PMS1: variants seen among roughly 807,000 people sequenced by gnomAD.
PMS1 encodes PMS1 protein homolog 1.
In PMS1, 79 loss-of-function variants were observed where a neutral mutation model predicts 93.1. That is an observed-to-expected ratio of 0.85 (90% CI 0.71 to 1.02). PMS1 has a LOEUF of 1.02. PMS1 is among the 50% of genes least tolerant of loss of function. The probability of loss-of-function intolerance (pLI) is 0.00; values close to 1 mark genes in which losing one functional copy is unlikely to be tolerated. For missense variants in PMS1, 1,064 were observed against 1,085.3 expected, an observed-to-expected ratio of 0.98 and a Z score of 0.28; for synonymous variants, 335 against 363.4, an observed-to-expected ratio of 0.92 and a Z score of 0.89.
intron 6 of PMS1, among the ~76,000 whole-genome samples, chr2:189,850,913 G>A (rs1040472671): frequency 2.0e-5 from 3 of 151,992 alleles, no homozygotes; most frequent in South Asian, 2.1e-4. Flanking sequence ...AGAGAGGGGC[G>A]GACCATAGTT....
chr2:189,831,372 G>C (rs867694325), intron 5 of PMS1, among the ~76,000 whole-genome samples: 56 of 152,292 alleles, frequency 3.7e-4, no homozygotes, highest in African/African-American at 1.3e-3. Context: ...CATTTAGGAA[G>C]CTGCTATAAA....
chr2:189,835,926 AAATT>A (rs2053343743), intron 5 of PMS1, among the ~76,000 whole-genome samples: 1 of 148,932 alleles, frequency 6.7e-6, no homozygotes, highest in South Asian at 2.1e-4. Flanking sequence ...AAAAAAAAAA[AAATT>A]CATTGGTGCT....
chr2:189,852,975 A>G (rs2054908223), intron 7 of PMS1, among the ~76,000 whole-genome samples, 198 bp downstream of exon 7: 1 of 152,192 alleles, frequency 6.6e-6, no homozygotes, highest in Non-Finnish European at 1.5e-5. Flanking sequence ...ATCCCCATTT[A>G]TAGTGAGGAA....
chr2:189,805,752 A>C lies in PMS1; in HGVS notation c.416A>C (p.Gln139Pro), dbSNP rs2050280429. ...TCTCAGAAACCTTCACATCTTGGTCAAGGTAAGAAAGTAGCTTTGTATACA... is the reference window on the plus strand; with the variant it reads ...TCTCAGAAACCTTCACATCTTGGTCCAGGTAAGAAAGTAGCTTTGTATACA... ...ILSQKPSHLG[Q>P]GTTVTALRLF... Residue 139 changes from glutamine (Q) to proline (P), a missense_variant and splice_region_variant, in exon 4 of 13, where the codon CAA becomes CCA. Transcript: ENST00000441310. The C allele has an allele frequency of 6.2e-7, 1 of 1,613,726 alleles. No homozygotes were observed. The highest frequency in any genetic ancestry group is 8.5e-7 in the Non-Finnish European group (1 of 1,179,890).
intron 4 of PMS1, chr2:189,806,907 T>C (rs1399096191): frequency 2.8e-5 from 6 of 212,118 alleles, no homozygotes; most frequent in Non-Finnish European, 4.8e-5. Flanking sequence ...GTTGTTGTTG[T>C]TTATCCTTCT....
At chr2:189,874,906 A>C (rs949746834) in intron 12 of PMS1, among the ~76,000 whole-genome samples, 2 of 152,132 alleles carry the variant, frequency 1.3e-5, no homozygotes, top group African/African-American at 4.8e-5. Context: ...TGTGGGGAGA[A>C]ATAAGAGTTC....
chr2:189,844,011 C>CA lies in PMS1; in HGVS notation c.631dup (p.Met211AsnfsTer20). ...GAGTATCAGATCACAAGATGGCTCT[C>CA]ATGTCAGTTCTGGGGACTGCTGTTA... On this transcript the variant is annotated frameshift_variant, in exon 6 of 13. Transcript: ENST00000441310. LOFTEE classifies it high-confidence loss of function. 1 of 1,614,008 alleles carries CA rather than the reference C, an allele frequency of 6.2e-7. No individual in the cohort carries two copies. Among genetic ancestry groups the CA allele is most frequent in the Non-Finnish European group, 8.5e-7 (1 of 1,179,954 alleles).
chr2:189,800,497 A>G (rs2049792149), intron 3 of PMS1, among the ~76,000 whole-genome samples: 1 of 152,170 alleles, frequency 6.6e-6, no homozygotes, highest in Admixed American at 6.6e-5. Context: ...ATATTTTTAA[A>G]TAAGACTTAA....
At chr2:189,828,420 T>C (rs1286700276) in intron 5 of PMS1, among the ~76,000 whole-genome samples, 1 of 152,238 alleles carries the variant, frequency 6.6e-6, no homozygotes, top group African/African-American at 2.4e-5. Context: ...CATCACATTG[T>C]ACCTCATAAA....
chr2:189,842,172 A>T (rs1317901825), intron 5 of PMS1, among the ~76,000 whole-genome samples: 1 of 151,954 alleles, frequency 6.6e-6, no homozygotes, highest in African/African-American at 2.4e-5. Flanking sequence ...CCGTTTAGCC[A>T]GCCACGTCTG....
At chr2:189,805,133 T>C (rs1047180345) in intron 3 of PMS1, among the ~76,000 whole-genome samples, 27 of 151,958 alleles carry the variant, frequency 1.8e-4, no homozygotes, top group Admixed American at 1.7e-3. Flanking sequence ...CCTTAATGAG[T>C]TTAAAGCTCA....
At chr2:189,836,043 C>G (rs1216870748) in intron 5 of PMS1, among the ~76,000 whole-genome samples, 1 of 151,660 alleles carries the variant, frequency 6.6e-6, no homozygotes, top group Non-Finnish European at 1.5e-5. Flanking sequence ...ATAATATATC[C>G]TCTTTATTTA....
chr2:189,861,083 G>T (rs2055936507), intron 9 of PMS1, among the ~76,000 whole-genome samples: 1 of 151,642 alleles, frequency 6.6e-6, no homozygotes, highest in Non-Finnish European at 1.5e-5. Flanking sequence ...TTGGGTTTAG[G>T]TCTGCCATTT....
At chr2:189,810,108 C>T (rs1218862012) in intron 4 of PMS1, among the ~76,000 whole-genome samples, 1 of 152,020 alleles carries the variant, frequency 6.6e-6, no homozygotes, top group African/African-American at 2.4e-5. Flanking sequence ...CAAAATGAAG[C>T]CACTGACTGC....
At chr2:189,840,630 A>C (rs964796627) in intron 5 of PMS1, among the ~76,000 whole-genome samples, 5 of 152,330 alleles carry the variant, frequency 3.3e-5, no homozygotes, top group Admixed American at 2.0e-4. Flanking sequence ...TTTGCTGTGC[A>C]TTATGATACT....
At chr2:189,862,389 T>C (rs10183082) in intron 9 of PMS1, among the ~76,000 whole-genome samples, 6,811 of 152,200 alleles carry the variant, frequency 0.045, 487 homozygotes, top group African/African-American at 0.15. Context: ...ATTATGATAA[T>C]CTTTTAAGAC....
intron 2 of PMS1, among the ~76,000 whole-genome samples, chr2:189,795,315 T>TA (rs1018048191): frequency 6.6e-6 from 1 of 152,090 alleles, no homozygotes; most frequent in Non-Finnish European, 1.5e-5. Context: ...AATAAATAAA[T>TA]AAAAATCAGG....
intron 12 of PMS1, 29 bp from the exon 13 acceptor site, chr2:189,877,243 G>T: frequency 6.2e-7 from 1 of 1,602,126 alleles, no homozygotes; most frequent in South Asian, 1.1e-5. Flanking sequence ...GTATATCATG[G>T]TAAAATGTGT....
intron 5 of PMS1, among the ~76,000 whole-genome samples, chr2:189,827,049 A>G (rs2052498935): frequency 2.0e-5 from 3 of 152,180 alleles, no homozygotes; most frequent in South Asian, 4.1e-4. Context: ...AAGCTAAGTC[A>G]CTGATACATC....
Sources: gnomAD v4.1 joint callset for allele counts (sites outside exome capture counted in the v4.1 genomes callset) on GRCh38, gnomAD v4.1.1 for gene constraint, MANE v1.5 for transcripts, NCBI Gene and HGNC (gene_info 2026-07-23, HGNC 2026-07-21) for gene names.